Variants in DTNB observed in about 807,000 individuals in gnomAD.
The protein encoded by DTNB is dystrobrevin beta.
DTNB carries 63 observed loss-of-function variants against 90.7 expected under a neutral mutation model. The observed-to-expected ratio is 0.69, with a 90% confidence interval of 0.57 to 0.86. The LOEUF (loss-of-function observed/expected upper bound fraction) is 0.86. DTNB is among the 40% of genes least tolerant of loss of function. The pLI, the probability that DTNB is intolerant of heterozygous loss-of-function variation, is 0.00. For missense variants in DTNB, 744 were observed against 807.1 expected (o/e 0.92, Z 0.95); for synonymous variants, 277 against 286.7 (o/e 0.97, Z 0.34).
chr2:25,490,684 T>C (rs1321046622), intron 9 of DTNB, among the ~76,000 whole-genome samples: 2 of 152,190 alleles, frequency 1.3e-5, no homozygotes, highest in African/African-American at 2.4e-5. Context: ...CATTAAATAA[T>C]AATGCTTATG....
intron 11 of DTNB, among the ~76,000 whole-genome samples, chr2:25,452,635 C>T (rs1345560105): frequency 6.6e-6 from 1 of 151,872 alleles, no homozygotes; most frequent in Non-Finnish European, 1.5e-5. Context: ...CAATACTCAT[C>T]GAAGTTTGTT....
intron 6 of DTNB, among the ~76,000 whole-genome samples, chr2:25,586,510 C>CA (rs1299315782): frequency 0.028 from 1,505 of 53,098 alleles, 16 homozygotes; most frequent in African/African-American, 0.056. Flanking sequence ...ACTCTGTCTC[C>CA]AAAAAAAAAA....
intron 9 of DTNB, among the ~76,000 whole-genome samples, chr2:25,523,682 T>TTTGTAC (rs2076564286): frequency 6.6e-6 from 1 of 151,882 alleles, no homozygotes; most frequent in African/African-American, 2.4e-5. Context: ...TATGTTTGTA[T>TTTGTAC]TTGTACTCTG....
chr2:25,643,724 T>C (rs564740203), intron 2 of DTNB, among the ~76,000 whole-genome samples: 1 of 152,270 alleles, frequency 6.6e-6, no homozygotes, highest in Non-Finnish European at 1.5e-5. Flanking sequence ...AGCCATGGGT[T>C]TTGAGGGAGG....
intron 5 of DTNB, among the ~76,000 whole-genome samples, chr2:25,600,700 G>C (rs2065688436): frequency 1.3e-5 from 2 of 152,090 alleles, no homozygotes; most frequent in African/African-American, 4.8e-5. Flanking sequence ...ATATATATAT[G>C]TATAGCTTCA....
At chr2:25,538,175 G>A (rs508262) in intron 8 of DTNB, among the ~76,000 whole-genome samples, 44,344 of 151,872 alleles carry the variant, frequency 0.29, 7,429 homozygotes, top group East Asian at 0.51. Context: ...TTGAGGCCAG[G>A]AGTTCGTGAT....
intron 1 of DTNB, among the ~76,000 whole-genome samples, chr2:25,667,406 T>G (rs760537979): frequency 5.8e-4 from 88 of 151,948 alleles, no homozygotes; most frequent in Non-Finnish European, 1.1e-3. Flanking sequence ...GGAGAATCGC[T>G]TGAACCTGGG....
rs771002741 is a variant in DTNB, at chr2:25,455,407, T to C, written c.1167A>G (p.Ala389=). Reference sequence around the variant, plus strand: ...ACTGCTGCTGCACCACCACTGACCGTGCACAGTGCTGCAGACGGGCCACAT... The same window carrying C: ...ACTGCTGCTGCACCACCACTGACCGCGCACAGTGCTGCAGACGGGCCACAT... ...ASYVARLQHC[A]RVLDSPSRLD... Residue 389 remains alanine (A), a splice_region_variant and synonymous_variant, in exon 11 of 21, where the codon GCA becomes GCG. Coordinates refer to ENST00000406818, the MANE Select transcript of DTNB (RefSeq NM_021907.5). The C allele has an allele frequency of 3.8e-6, 6 of 1,595,044 alleles. No homozygotes were observed. The highest frequency in any genetic ancestry group is 1.3e-5 in the African/African-American group (1 of 74,500).
At chr2:25,586,567 C>T (rs921385187) in intron 6 of DTNB, among the ~76,000 whole-genome samples, 13 of 150,728 alleles carry the variant, frequency 8.6e-5, no homozygotes, top group African/African-American at 2.4e-4. Context: ...GAAATAGTAT[C>T]GATCGTTTTC....
intron 18 of DTNB, 49 bp from the exon 19 acceptor site, chr2:25,383,938 G>C (rs1236127286): frequency 6.2e-7 from 1 of 1,613,832 alleles, no homozygotes; most frequent in African/African-American, 1.3e-5. Flanking sequence ...CACAGGACAA[G>C]TACAGAAGGA....
intron 18 of DTNB, among the ~76,000 whole-genome samples, chr2:25,386,845 CA>C (rs2039607709): frequency 6.6e-6 from 1 of 152,174 alleles, no homozygotes; most frequent in Non-Finnish European, 1.5e-5. Flanking sequence ...AAAAACAAAT[CA>C]AACAGGAGAG....
At chr2:25,549,235 G>T (rs930019997) in intron 8 of DTNB, among the ~76,000 whole-genome samples, 3 of 151,376 alleles carry the variant, frequency 2.0e-5, no homozygotes, top group Admixed American at 1.3e-4. Flanking sequence ...ATTTGATTAT[G>T]AATATACATA....
intron 4 of DTNB, among the ~76,000 whole-genome samples, chr2:25,625,551 A>ATTTTTTTTTTTTTTT (rs66586812): frequency 3.7e-4 from 27 of 73,952 alleles, no homozygotes; most frequent in African/African-American, 5.7e-4. Context: ...TAACTCACTC[A>ATTTTTTTTTTTTTTT]TTTTTTTTTT....
intron 5 of DTNB, among the ~76,000 whole-genome samples, chr2:25,599,419 G>A (rs1455424964): frequency 6.6e-6 from 1 of 151,438 alleles, no homozygotes; most frequent in Admixed American, 6.6e-5. Flanking sequence ...TTGGCTCACT[G>A]CAAGCTCCAC....
intron 4 of DTNB, among the ~76,000 whole-genome samples, chr2:25,619,900 C>T (rs1382827492): frequency 6.6e-6 from 1 of 151,920 alleles, no homozygotes; most frequent in Non-Finnish European, 1.5e-5. Context: ...ATTAGCCAGG[C>T]GTGGTGGTAC....
At chr2:25,519,367 CT>C (rs1197635484) in intron 9 of DTNB, among the ~76,000 whole-genome samples, 2,384 of 126,476 alleles carry the variant, frequency 0.019, 27 homozygotes, top group African/African-American at 0.042. Context: ...CCTGTTTCTA[CT>C]TTTTTTTTTT....
At chr2:25,563,075 T>G (rs1468390016) in intron 8 of DTNB, among the ~76,000 whole-genome samples, 1 of 152,200 alleles carries the variant, frequency 6.6e-6, no homozygotes, top group South Asian at 2.1e-4. Context: ...CAGCCTAATC[T>G]ACATATTTCA....
intron 6 of DTNB, among the ~76,000 whole-genome samples, chr2:25,586,372 C>T (rs1338958971): frequency 2.6e-5 from 4 of 151,580 alleles, no homozygotes; most frequent in Admixed American, 6.6e-5. Flanking sequence ...TCGCCAGGTG[C>T]GGTGGTGGGC....
At chr2:25,670,749 A>G (rs1427586360) in intron 1 of DTNB, among the ~76,000 whole-genome samples, 1 of 152,248 alleles carries the variant, frequency 6.6e-6, no homozygotes, top group Non-Finnish European at 1.5e-5. Flanking sequence ...GCAAACCAGC[A>G]TAAGGGAACA....
Sources: allele counts gnomAD v4.1 joint callset (sites outside exome capture counted in the v4.1 genomes callset), GRCh38; gene constraint gnomAD v4.1.1; transcripts MANE v1.5; gene names NCBI Gene and HGNC (gene_info 2026-07-23, HGNC 2026-07-21).